The following NUP210 variants were observed in gnomAD, a reference collection of about 807,000 sequenced individuals.
The protein encoded by NUP210 is nucleoporin 210.
A neutral mutation model predicts 196.0 loss-of-function variants in NUP210; 151 were observed. The observed-to-expected ratio is 0.77, with a 90% CI of 0.67 to 0.88. NUP210 has a LOEUF of 0.88. NUP210 is among the 40% of genes least tolerant of loss of function. NUP210 has a pLI of 0.00. For synonymous variants in NUP210, 1,070 were observed against 1,052.7 expected, an observed-to-expected ratio of 1.02 and a Z score of -0.32; for missense variants, 2,314 against 2,493.7, an observed-to-expected ratio of 0.93 and a Z score of 1.53.
intron 34 of NUP210, 51 bp from the exon 35 acceptor site, chr3:13,322,390 A>G (rs761521629): frequency 1.9e-6 from 3 of 1,598,282 alleles, no homozygotes; most frequent in Admixed American, 1.7e-5. Flanking sequence ...TGGCCACCAC[A>G]CCAAATTCCA....
At chr3:13,334,606 G>A (rs1055852268) in intron 28 of NUP210, among the ~76,000 whole-genome samples, 1 of 152,164 alleles carries the variant, frequency 6.6e-6, no homozygotes, top group Non-Finnish European at 1.5e-5. Context: ...GGACATATAA[G>A]GAACACTTTT....
intron 10 of NUP210, 27 bp from the exon 11 acceptor site, chr3:13,375,668 A>G: frequency 5.6e-6 from 9 of 1,601,066 alleles, no homozygotes; most frequent in Non-Finnish European, 7.7e-6. Context: ...TGCCACACGT[A>G]ACCATGACAA....
intron 15 of NUP210, among the ~76,000 whole-genome samples, chr3:13,359,258 GC>G (rs1698290955): frequency 6.6e-6 from 1 of 152,220 alleles, no homozygotes; most frequent in African/African-American, 2.4e-5. Flanking sequence ...CATTCTTACA[GC>G]CCTGAGAGGG....
chr3:13,385,503 A>T (rs1393429394), intron 6 of NUP210, among the ~76,000 whole-genome samples: 1 of 152,212 alleles, frequency 6.6e-6, no homozygotes, highest in African/African-American at 2.4e-5. Flanking sequence ...CTACACTCCT[A>T]TTGATTCATT....
rs141486092 is a variant in NUP210 at position 13,350,173 on chromosome 3, A to AGT, written c.2835+1704_2835+1705dup. ...TATCAGAGACTTCTTACTGGGGAAA[A>AGT]GTGTGTGTGTGTGGGTGCGTGTGTG... On this transcript the variant is annotated intron_variant, in intron 20 of 39. Transcript: ENST00000254508. This position sits in a 1 kb window ranked among gnomAD's most constrained non-coding sequence, Gnocchi z 4.1. Among the ~76,000 whole-genome samples the AGT allele has an allele frequency of 2.0e-5, 3 of 151,826 alleles. No homozygotes were observed. In the East Asian group the frequency reaches 5.8e-4, roughly 29 times the overall value.
chr3:13,399,776 G>A lies in NUP210; in HGVS notation c.253C>T (p.Arg85Cys), dbSNP rs1457961050. Reference sequence around the variant, plus strand: ...GTGAGGCGGGCAGGCTGGGTCAGGCGGGCCTGCACCACTGCCTTCTGGGAG... The same window carrying A: ...GTGAGGCGGGCAGGCTGGGTCAGGCAGGCCTGCACCACTGCCTTCTGGGAG... ...QCSQKAVVQA[R>C]LTQPARLTSI... Residue 85 changes from arginine (R) to cysteine (C), a missense_variant, in exon 2 of 40, where the codon CGC (arginine) becomes TGC (cysteine). Coordinates refer to ENST00000254508, the MANE Select transcript of NUP210 (RefSeq NM_024923.4). 51 of 1,613,906 alleles carry A rather than the reference G, an allele frequency of 3.2e-5. No individual in the cohort carries two copies. The highest frequency in any genetic ancestry group is 1.6e-4 in the Middle Eastern group (1 of 6,084).
chr3:13,397,596 C>T (rs1699705237), intron 2 of NUP210, 108 bp from the exon 3 acceptor site: 1 of 1,249,904 alleles, frequency 8.0e-7, no homozygotes, highest in East Asian at 2.9e-5. Context: ...CAACCACCAG[C>T]TTCACCCTCA....
In NUP210 at chr3:13,377,699, A is replaced by T. The variant is rs981674368; in HGVS notation, c.1046-137T>A. 1.4e-3 allele frequency: 846 copies of T among 586,420 alleles called. 1 individual carries two copies. The highest frequency in any genetic ancestry group is 2.3e-3 in the Non-Finnish European group (756 of 331,022). The allele number at this position is 586,420 out of a possible 1,614,324, so 36.3% of individuals were successfully genotyped here. ...CACTCCACCCACCTGCAGGCCCCAC[A>T]CCACCCACCTGCAGGCCCCACACCA... On this transcript the variant is annotated intron_variant, in intron 8 of 39. Transcript: ENST00000254508.
At chr3:13,396,508 G>C (rs1390034199) in intron 3 of NUP210, among the ~76,000 whole-genome samples, 1 of 151,396 alleles carries the variant, frequency 6.6e-6, no homozygotes, top group East Asian at 1.9e-4. Flanking sequence ...AGCACTTTGG[G>C]AGGCTAAGCC....
intron 1 of NUP210, among the ~76,000 whole-genome samples, chr3:13,411,292 C>T (rs1231273222): frequency 1.3e-5 from 2 of 152,184 alleles, no homozygotes; most frequent in African/African-American, 4.8e-5. Flanking sequence ...GGTAAACCAA[C>T]AATCATCTGA....
chr3:13,390,967 T>C (rs752520796), intron 4 of NUP210, among the ~76,000 whole-genome samples: 1 of 152,170 alleles, frequency 6.6e-6, no homozygotes, highest in Non-Finnish European at 1.5e-5. Flanking sequence ...CAGCTGGACA[T>C]CCCAAGCCTC....
chr3:13,360,444 C>T lies in NUP210; in HGVS notation c.1980G>A (p.Lys660=). The change falls in exon 15 of 40, where the codon AAG becomes AAA. Residue 660 remains lysine (K), a synonymous_variant. Transcript: ENST00000254508. ...TGGGACCTCCTTCAAACAGCATCTC[C>T]TTTGAGGAGCCCAGGGTTACCAAGG... ...SVALVTLGSS[K]EMLFEGGPRP... The T allele has an allele frequency of 6.2e-7, 1 of 1,613,514 alleles. No individual in the cohort carries two copies.
intron 2 of NUP210, among the ~76,000 whole-genome samples, chr3:13,398,733 A>G (rs1699744379): frequency 6.6e-6 from 1 of 152,126 alleles, no homozygotes; most frequent in Non-Finnish European, 1.5e-5. Context: ...CAGCCTGGAC[A>G]ACACAGGGAG....
At position 13,347,572 on chromosome 3, in the gene NUP210, G is replaced by A. The variant is rs562876668; in HGVS notation, c.2836-4269C>T. 3.1e-3 allele frequency among the ~76,000 whole-genome samples: 472 copies of A among 152,220 alleles called. 4 individuals are homozygous for A. Among genetic ancestry groups the A allele is most frequent in the African/African-American group, 0.01 (434 of 41,528 alleles). On this transcript the variant is annotated intron_variant, in intron 20 of 39. Coordinates refer to ENST00000254508, the MANE Select transcript of NUP210 (RefSeq NM_024923.4). This position sits in a 1 kb window ranked among gnomAD's most constrained non-coding sequence, Gnocchi z 4.7. ...AACCCCCACAGGACCCCTGCTGCGT[G>A]AGCCCCAGAGAGCCCCCCAGAGACA...
At chr3:13,406,858 G>A (rs1012686019) in intron 1 of NUP210, among the ~76,000 whole-genome samples, 51 of 42,524 alleles carry the variant, frequency 1.2e-3, no homozygotes, top group Admixed American at 2.1e-3. Flanking sequence ...CCCCCCACAC[G>A]GCACACATGG....
At chr3:13,393,913 C>A (rs112211366) in intron 3 of NUP210, among the ~76,000 whole-genome samples, 1 of 152,168 alleles carries the variant, frequency 6.6e-6, no homozygotes, top group Non-Finnish European at 1.5e-5. Flanking sequence ...AAATGTTAGG[C>A]AATTCAACCT....
Position 13,316,553 on chromosome 3 carries a change from G to C in NUP210, c.*1128C>G, listed in dbSNP as rs1387033477. On this transcript the variant is annotated 3_prime_UTR_variant, in exon 40 of 40. Transcript: ENST00000254508. ...ATCTCAGATCCAGAATCAGGAGCTG[G>C]GAAGAGAGGACTTTTCCAAGGGTCT... The C allele has an allele frequency of 6.6e-6, 1 of 152,294 alleles. No individual in the cohort carries two copies. The highest frequency in any genetic ancestry group is 1.5e-5 in the Non-Finnish European group (1 of 68,076). The allele number at this position is 152,294 out of a possible 1,614,324, so 9.4% of individuals were successfully genotyped here.
At position 13,347,359 on chromosome 3, in the gene NUP210, G is replaced by GA; in HGVS notation, c.2836-4057_2836-4056insT. Reference sequence around the variant, plus strand: ...CTGCTCTGGTCATCTCATGGGTTCCGCCTAGAGGACTTGATTGAAATGTAA... The same window carrying GA: ...CTGCTCTGGTCATCTCATGGGTTCCGACCTAGAGGACTTGATTGAAATGTAA... On this transcript the variant is annotated intron_variant, in intron 20 of 39. Coordinates refer to ENST00000254508, the MANE Select transcript of NUP210 (RefSeq NM_024923.4). The surrounding 1 kb of genome is among the most constrained non-coding windows in gnomAD (Gnocchi z 4.7). 1 of 982,804 alleles carries GA rather than the reference G, an allele frequency of 1.0e-6. No individual in the cohort carries two copies. The highest frequency in any genetic ancestry group is 4.7e-5 in the South Asian group (1 of 21,228). 60.9% of individuals were successfully genotyped at this position (982,804 alleles called of 1,614,324 possible).
chr3:13,334,436 T>C (rs967442424), intron 28 of NUP210, among the ~76,000 whole-genome samples: 1 of 152,152 alleles, frequency 6.6e-6, no homozygotes, highest in Non-Finnish European at 1.5e-5. Flanking sequence ...TGTGTGTGCA[T>C]GTGCAGGCAG....
Sources: allele counts gnomAD v4.1 joint callset (sites outside exome capture counted in the v4.1 genomes callset), GRCh38; gene constraint gnomAD v4.1.1; non-coding constraint Gnocchi (gnomAD v3.1); transcripts MANE v1.5; gene names NCBI Gene and HGNC (gene_info 2026-07-23, HGNC 2026-07-21).